The following CAST variants were observed in gnomAD, a reference collection of about 807,000 sequenced individuals.
CAST encodes calpastatin.
CAST carries 76 observed loss-of-function variants against 119.6 expected under a neutral mutation model. The observed-to-expected ratio is 0.64, with a 90% CI of 0.53 to 0.77. CAST has a LOEUF of 0.77. Ranked by LOEUF, CAST falls within the 30% of genes least tolerant of loss-of-function variation. CAST has a pLI of 0.00. For missense variants in CAST, 953 were observed against 946.5 expected (o/e 1.01, Z -0.09); for synonymous variants, 319 against 331.6 (o/e 0.96, Z 0.41).
the CAST span, among the ~76,000 whole-genome samples, chr5:96,452,672 C>T: frequency 9.0e-5 from 11 of 121,892 alleles, no homozygotes; most frequent in East Asian, 1.5e-3. Flanking sequence ...AAAAAGAGGC[C>T]GGGCGCGGTG....
intron 1 of CAST, among the ~76,000 whole-genome samples, chr5:96,616,891 C>A (rs960279720): frequency 6.6e-6 from 1 of 151,972 alleles, no homozygotes; most frequent in African/African-American, 2.4e-5. Flanking sequence ...TTTTGGACCC[C>A]AGGACTCTTT....
chr5:96,392,965 G>T, the CAST span: 64 of 1,608,964 alleles, frequency 4.0e-5, no homozygotes, highest in Non-Finnish European at 5.4e-5. Context: ...TAAGGAAGAA[G>T]CATGAATATT....
the CAST span, among the ~76,000 whole-genome samples, chr5:96,324,739 G>A: frequency 1.3e-5 from 2 of 152,098 alleles, no homozygotes; most frequent in African/African-American, 4.8e-5. Context: ...GTCTCTTAAT[G>A]TGTGTTATTT....
intron 2 of CAST, among the ~76,000 whole-genome samples, chr5:96,688,928 G>A (rs953370756): frequency 1.9e-4 from 29 of 152,164 alleles, no homozygotes; most frequent in Non-Finnish European, 3.7e-4. Flanking sequence ...TTACTTTGGG[G>A]CCCCTAAGAG....
At chr5:96,585,773 A>T (rs1746848768) in intron 1 of CAST, among the ~76,000 whole-genome samples, 1 of 152,206 alleles carries the variant, frequency 6.6e-6, no homozygotes, top group Non-Finnish European at 1.5e-5. Flanking sequence ...AAACTTTTGG[A>T]TGTTTAATAT....
At chr5:95,979,677 G>T in the CAST span, among the ~76,000 whole-genome samples, 575 of 152,274 alleles carry the variant, frequency 3.8e-3, 5 homozygotes, top group African/African-American at 0.013. Context: ...AGTACTTATT[G>T]TATGGATTAA....
intron 1 of CAST, among the ~76,000 whole-genome samples, chr5:96,642,773 T>C (rs1747967712): frequency 6.6e-6 from 1 of 152,118 alleles, no homozygotes; most frequent in African/African-American, 2.4e-5. Flanking sequence ...GGTCTCAAAC[T>C]CCTAACCTCA....
chr5:96,553,051 C>G (rs1169971968), intron 1 of CAST, among the ~76,000 whole-genome samples: 1 of 152,194 alleles, frequency 6.6e-6, no homozygotes, highest in Admixed American at 6.5e-5. Flanking sequence ...TCCTCACTAA[C>G]TCATTTTATG....
At chr5:96,734,184 G>T (rs953181917) in intron 9 of CAST, among the ~76,000 whole-genome samples, 1 of 152,208 alleles carries the variant, frequency 6.6e-6, no homozygotes, top group African/African-American at 2.4e-5. Context: ...TCCAACGTGG[G>T]TGAAGCACAG....
At chr5:96,614,475 ATGGGT>A (rs1343510171) in intron 1 of CAST, among the ~76,000 whole-genome samples, 3 of 152,214 alleles carry the variant, frequency 2.0e-5, no homozygotes, top group African/African-American at 7.2e-5. Context: ...ACTGTTTTCC[ATGGGT>A]TGCTTTTTCA....
chr5:96,745,617 A>G (rs1763600482), intron 16 of CAST, among the ~76,000 whole-genome samples: 1 of 152,144 alleles, frequency 6.6e-6, no homozygotes, highest in Non-Finnish European at 1.5e-5. Context: ...ATATTATGGA[A>G]CTTCACACTA....
At chr5:96,389,113 G>C in the CAST span, among the ~76,000 whole-genome samples, 1 of 152,206 alleles carries the variant, frequency 6.6e-6, no homozygotes, top group East Asian at 1.9e-4. Flanking sequence ...GGGGGGAAAT[G>C]GGGAGATATA....
At chr5:96,384,725 G>T in the CAST span, among the ~76,000 whole-genome samples, 1 of 152,188 alleles carries the variant, frequency 6.6e-6, no homozygotes, top group Admixed American at 6.5e-5. Flanking sequence ...GATGTAGTTG[G>T]CTAGGAGATA....
the CAST span, among the ~76,000 whole-genome samples, chr5:96,466,574 G>T: frequency 1.2e-3 from 185 of 150,776 alleles, no homozygotes; most frequent in African/African-American, 3.6e-3. Context: ...TTTGTGTGGG[G>T]TTTTTTTTTC....
the CAST span, among the ~76,000 whole-genome samples, chr5:96,190,704 G>T: frequency 6.6e-6 from 1 of 151,992 alleles, no homozygotes; most frequent in African/African-American, 2.4e-5. Flanking sequence ...TCCTTCATAG[G>T]TTTATTATTT....
At chr5:96,639,449 T>C (rs1406781623) in intron 1 of CAST, among the ~76,000 whole-genome samples, 1 of 152,234 alleles carries the variant, frequency 6.6e-6, no homozygotes, top group Non-Finnish European at 1.5e-5. Context: ...TATCTCCTCT[T>C]CTTCATCCCC....
the CAST span, among the ~76,000 whole-genome samples, chr5:96,175,790 A>G: frequency 2.6e-5 from 4 of 152,206 alleles, no homozygotes; most frequent in Non-Finnish European, 4.4e-5. Flanking sequence ...ATGTTTAAAT[A>G]TGTGTTAGTT....
intron 2 of CAST, among the ~76,000 whole-genome samples, chr5:96,680,646 T>C (rs1432866203): frequency 1.3e-5 from 2 of 152,152 alleles, no homozygotes; most frequent in East Asian, 3.9e-4. Context: ...TCAGTGTGTG[T>C]GGCATTTAAG....
the CAST span, among the ~76,000 whole-genome samples, chr5:96,447,928 C>T: frequency 6.6e-6 from 1 of 151,850 alleles, no homozygotes; most frequent in South Asian, 2.1e-4. Flanking sequence ...AAAAACCTGC[C>T]CTGCTAGAAC....
Sources: allele counts gnomAD v4.1 joint callset (sites outside exome capture counted in the v4.1 genomes callset), GRCh38; gene constraint gnomAD v4.1.1; transcripts MANE v1.5; gene names NCBI Gene and HGNC (gene_info 2026-07-23, HGNC 2026-07-21).